Variants in CROCC2 observed in about 807,000 individuals in gnomAD.
CROCC2 encodes ciliary rootlet coiled-coil, rootletin family member 2.
A neutral mutation model predicts 177.6 loss-of-function variants in CROCC2; 163 were observed. The observed-to-expected ratio is 0.92, with a 90% CI of 0.81 to 1.05. The LOEUF (loss-of-function observed/expected upper bound fraction) is 1.05. Ranked by LOEUF, CROCC2 falls within the 50% of genes least tolerant of loss-of-function variation. The probability of loss-of-function intolerance (pLI) is 0.00; values close to 1 mark genes in which losing one functional copy is unlikely to be tolerated. For missense variants in CROCC2, 1,929 were observed against 1,797.8 expected (o/e 1.07, Z -1.32); for synonymous variants, 904 against 787.3 (o/e 1.15, Z -2.48).
rs1008706532 is a variant in CROCC2, at chr2:240,917,565, A to G, written c.79-1161A>G. Among the ~76,000 whole-genome samples, 4 of 152,096 alleles carry G rather than the reference A, an allele frequency of 2.6e-5. No individual in the cohort carries two copies. ...TGGTCAGGAGGAAAATCCAGGAGGCACAAGGTGGGGGAGCTGCCCTGCGGA... is the reference window on the plus strand; with the variant it reads ...TGGTCAGGAGGAAAATCCAGGAGGCGCAAGGTGGGGGAGCTGCCCTGCGGA... On this transcript the variant is annotated intron_variant, in intron 1 of 31. Transcript: ENST00000690015. This position sits in a 1 kb window ranked among gnomAD's most constrained non-coding sequence, Gnocchi z 4.9.
rs2059437789 is a variant in CROCC2, at chr2:240,932,369, G to T, written c.999G>T (p.Gln333His). The T allele has an allele frequency of 1.4e-6, 1 of 717,502 alleles. No individual in the cohort carries two copies. The highest frequency in any genetic ancestry group is 2.0e-5 in the Admixed American group (1 of 50,016). 44.4% of individuals were successfully genotyped at this position (717,502 alleles called of 1,614,324 possible). A position where few individuals can be genotyped will look rare whatever the true frequency, so the allele number is the denominator to read the frequency against. Residue 333 changes from glutamine to histidine, a missense_variant, in exon 8 of 32, where the codon CAG becomes CAT. Coordinates refer to ENST00000690015, the MANE Select transcript of CROCC2 (RefSeq NM_001351305.2). ...LVEKLTEQNE[Q>H]KAKTIAALRT... Reference sequence around the variant, plus strand: ...AGAAGCTTACAGAGCAGAATGAGCAGAAGGCGAAGACCATCGCTGCCCTCA... The same window carrying T: ...AGAAGCTTACAGAGCAGAATGAGCATAAGGCGAAGACCATCGCTGCCCTCA...
At position 240,933,144 on chromosome 2, in the gene CROCC2, A is replaced by C. The variant is rs1431604340; in HGVS notation, c.1265A>C (p.Gln422Pro). Residue 422 changes from glutamine (Q) to proline (P), a missense_variant, in exon 10 of 32, where the codon CAG becomes CCG. Physicochemically the swap from Gln to Pro is moderately conservative, Grantham distance 76 (BLOSUM62 -1). Around this residue, in one of 3 missense-constraint regions of CROCC2, gnomAD observed 1,397 missense variants for 1,239.9 expected, o/e 1.13. Coordinates refer to ENST00000690015, the MANE Select transcript of CROCC2 (RefSeq NM_001351305.2). ...RWRREQELCL[Q>P]LKSSQALVAS... ...CCACCCGAGCAGGAGCTGTGCCTGC[A>C]GCTGAAGTCCTCCCAGGCACTGGTG... 6.5e-7 allele frequency: 1 copy of C among 1,550,020 alleles called. No homozygotes were observed. Among genetic ancestry groups the C allele is most frequent in the East Asian group, 2.4e-5 (1 of 40,904 alleles).
rs111291407 is a variant in CROCC2, at chr2:240,966,432, C to A, written c.4146+23C>A. The A allele has an allele frequency of 1.5e-4, 60 of 400,196 alleles. 1 individual carries two copies. Among genetic ancestry groups the A allele is most frequent in the African/African-American group, 9.6e-4 (47 of 48,788 alleles). The allele number at this position is 400,196 out of a possible 1,614,324, so 24.8% of individuals were successfully genotyped here. On this transcript the variant is annotated intron_variant, in intron 25 of 31. Coordinates refer to ENST00000690015, the MANE Select transcript of CROCC2 (RefSeq NM_001351305.2). ...CGGGTAATGGGGGCTGGGGTCCTCC[C>A]GCCCACGGCGGCACCCCCCGGGGGT...
chr2:240,944,634 C>G (rs1047045640), intron 14 of CROCC2, among the ~76,000 whole-genome samples: 6 of 151,444 alleles, frequency 4.0e-5, no homozygotes, highest in Non-Finnish European at 7.4e-5. Flanking sequence ...TTTAAATTGT[C>G]TTTTTTATAT....
chr2:240,913,685 G>T lies in CROCC2; in HGVS notation c.79-5041G>T, dbSNP rs369623106. Among the ~76,000 whole-genome samples the T allele has an allele frequency of 1.8e-4, 27 of 152,372 alleles. No individual in the cohort carries two copies. In the East Asian group the frequency reaches 4.8e-3, roughly 27 times the overall value. ...CTGACACCCACAGAGGCATGTTCCC[G>T]CTCCTGGGTGATGCCCAGGCCCAGA... On this transcript the variant is annotated intron_variant, in intron 1 of 31. Transcript: ENST00000690015.
At chr2:240,915,221 G>A (rs1318297526) in intron 1 of CROCC2, among the ~76,000 whole-genome samples, 1 of 152,190 alleles carries the variant, frequency 6.6e-6, no homozygotes, top group Non-Finnish European at 1.5e-5. Flanking sequence ...GGGAAGGGGT[G>A]TAAGAGGAGA....
At position 240,988,841 on chromosome 2, in the gene CROCC2, G is replaced by A. The variant is rs568085134; in HGVS notation, c.4654G>A (p.Gly1552Arg). 4.5e-5 allele frequency: 68 copies of A among 1,497,660 alleles called. No individual in the cohort carries two copies. The highest frequency in any genetic ancestry group is 4.1e-4 in the African/African-American group (29 of 71,466). The allele number at this position is 1,497,660 out of a possible 1,614,324, so 92.8% of individuals were successfully genotyped here. ...SLNSLHQEVD[G>R]ALRQNQQLQA... ...GAACAGCCTGCACCAGGAGGTGGAC[G>A]GAGCCCTGAGGCAAAATCAGCAGCT... The change falls in exon 29 of 32, where the codon GGA becomes AGA. Residue 1552 changes from glycine to arginine, a missense_variant. Gly to Arg is a moderately radical substitution (Grantham distance 125). Coordinates refer to ENST00000690015, the MANE Select transcript of CROCC2 (RefSeq NM_001351305.2).
At chr2:240,916,461 C>T (rs1559588416) in intron 1 of CROCC2, among the ~76,000 whole-genome samples, 1 of 61,972 alleles carries the variant, frequency 1.6e-5, no homozygotes, top group Non-Finnish European at 3.2e-5. Context: ...CCCCCCCATG[C>T]GCTCCCCCCG....
At chr2:240,948,356 C>T (rs1278540391) in intron 15 of CROCC2, among the ~76,000 whole-genome samples, 1 of 152,058 alleles carries the variant, frequency 6.6e-6, no homozygotes, top group African/African-American at 2.4e-5. Flanking sequence ...AGGGCCTGAT[C>T]AGGAGCTGCC....
intron 1 of CROCC2, among the ~76,000 whole-genome samples, chr2:240,911,750 C>T (rs1457379456): frequency 6.6e-6 from 1 of 151,978 alleles, no homozygotes; most frequent in Non-Finnish European, 1.5e-5. Flanking sequence ...GGTATTTGTC[C>T]CTTCGTGGCG....
At chr2:240,944,263 G>A (rs895786370) in intron 14 of CROCC2, among the ~76,000 whole-genome samples, 1 of 152,052 alleles carries the variant, frequency 6.6e-6, no homozygotes, top group African/African-American at 2.4e-5. Context: ...TTGGTATTCA[G>A]AAACTTTACT....
chr2:240,922,259 C>T (rs927735127), intron 3 of CROCC2, among the ~76,000 whole-genome samples: 1 of 152,244 alleles, frequency 6.6e-6, no homozygotes, highest in African/African-American at 2.4e-5. Flanking sequence ...TCACACTGTC[C>T]TCAAGGCCTG....
chr2:240,906,989 C>A (rs2106447306), intron 1 of CROCC2, among the ~76,000 whole-genome samples: 2 of 79,742 alleles, frequency 2.5e-5, no homozygotes, highest in Non-Finnish European at 6.3e-5. Context: ...GAGCCCGGGG[C>A]CGCTGCTGGC....
intron 7 of CROCC2, among the ~76,000 whole-genome samples, chr2:240,931,391 C>G (rs1301948451): frequency 6.6e-6 from 1 of 152,318 alleles, no homozygotes; most frequent in East Asian, 1.9e-4. Context: ...GGGACTGCGT[C>G]CTGGGGGTCA....
chr2:240,925,015 C>A (rs1442944423), intron 4 of CROCC2, among the ~76,000 whole-genome samples: 2 of 133,898 alleles, frequency 1.5e-5, no homozygotes, highest in African/African-American at 2.8e-5. Context: ...CACACTGACC[C>A]AGCCCCCACA....
intron 1 of CROCC2, among the ~76,000 whole-genome samples, chr2:240,916,794 C>T (rs73105792): frequency 0.027 from 4,116 of 152,290 alleles, 177 homozygotes; most frequent in African/African-American, 0.093. Context: ...GGGGCAGAGC[C>T]CTTCCCAGTC....
chr2:240,988,730 T>C lies in CROCC2; in HGVS notation c.4552-9T>C. ...AGGCCACAGGTTCTGCCTCCTGGGA[T>C]CTCTGCAGATGGAGCAAGAGACACT... is the stretch of plus-strand genomic sequence containing the variant. On this transcript the variant is annotated splice_polypyrimidine_tract_variant and intron_variant, in intron 28 of 31. Coordinates refer to ENST00000690015, the MANE Select transcript of CROCC2 (RefSeq NM_001351305.2). 7.3e-7 allele frequency: 1 copy of C among 1,369,230 alleles called. No individual in the cohort carries two copies. Among genetic ancestry groups the C allele is most frequent in the African/African-American group, 1.5e-5 (1 of 67,758 alleles). The allele number at this position is 1,369,230 out of a possible 1,614,324, so 84.8% of individuals were successfully genotyped here. A position where few individuals can be genotyped will look rare whatever the true frequency, so the allele number is the denominator to read the frequency against.
chr2:240,917,161 G>A lies in CROCC2; in HGVS notation c.79-1565G>A, dbSNP rs112254090. 1.3e-5 allele frequency among the ~76,000 whole-genome samples: 2 copies of A among 152,322 alleles called. No homozygotes were observed. Among genetic ancestry groups the A allele is most frequent in the African/African-American group, 4.8e-5 (2 of 41,572 alleles). Reference sequence around the variant, plus strand: ...TGCACGGGCTGTCGGGAGGACGGGCGGGCTGGCCCCAGACCTCAGCTGATA... The same window carrying A: ...TGCACGGGCTGTCGGGAGGACGGGCAGGCTGGCCCCAGACCTCAGCTGATA... On this transcript the variant is annotated intron_variant, in intron 1 of 31. Transcript: ENST00000690015. This position sits in a 1 kb window ranked among gnomAD's most constrained non-coding sequence, Gnocchi z 4.9.
rs76155581 is a variant in CROCC2, at chr2:240,906,467, A to G, written c.-47A>G. 2.2e-3 allele frequency: 882 copies of G among 398,982 alleles called. 12 individuals are homozygous for G. The highest frequency in any genetic ancestry group is 0.017 in the African/African-American group (829 of 48,746). The allele number at this position is 398,982 out of a possible 1,614,324, so 24.7% of individuals were successfully genotyped here. On this transcript the variant is annotated 5_prime_UTR_variant, in exon 1 of 32. Transcript: ENST00000690015. The stretch of plus-strand genomic sequence containing the variant: ...CCTGGCCAGTTGGAGGAGAACTGCC[A>G]GGTAGCAAAGCCCAGACTTCTCTGG...
Sources: allele counts gnomAD v4.1 joint callset (sites outside exome capture counted in the v4.1 genomes callset), GRCh38; gene constraint gnomAD v4.1.1; regional missense constraint gnomAD v4.1.1; non-coding constraint Gnocchi (gnomAD v3.1); transcripts MANE v1.5; gene names NCBI Gene and HGNC (gene_info 2026-07-23, HGNC 2026-07-21).